EDIL3: variants seen among roughly 807,000 people sequenced by gnomAD.
EDIL3 encodes the protein EGF like and discoidin domains 3, also known as EGF-like repeat and discoidin I-like domain-containing protein 3.
In EDIL3, 37 loss-of-function variants were observed where a neutral mutation model predicts 67.4. The ratio of observed to expected loss-of-function variants is 0.55; its 90% CI spans 0.42 to 0.72. The LOEUF (loss-of-function observed/expected upper bound fraction) is 0.72, where lower values mean the gene tolerates loss of function less well. EDIL3 is among the 30% of genes least tolerant of loss of function. EDIL3 has a pLI of 0.00. For missense variants in EDIL3, 527 were observed against 586.3 expected, an observed-to-expected ratio of 0.90 and a Z score of 1.04; for synonymous variants, 195 against 196.3, an observed-to-expected ratio of 0.99 and a Z score of 0.05.
intron 7 of EDIL3, 82 bp from the exon 8 acceptor site, chr5:84,064,926 G>C: frequency 7.0e-7 from 1 of 1,420,796 alleles, no homozygotes; most frequent in South Asian, 1.7e-5. Flanking sequence ...ATACCTTATC[G>C]AAAATAATTG....
At chr5:83,993,064 A>C (rs1745177750) in intron 9 of EDIL3, among the ~76,000 whole-genome samples, 1 of 152,190 alleles carries the variant, frequency 6.6e-6, no homozygotes, top group African/African-American at 2.4e-5. Flanking sequence ...TAAAATAGTC[A>C]ATACGAAACA....
chr5:83,990,916 A>G (rs1745140146), intron 9 of EDIL3, among the ~76,000 whole-genome samples: 1 of 150,986 alleles, frequency 6.6e-6, no homozygotes, highest in Non-Finnish European at 1.5e-5. Context: ...TAAATAAATA[A>G]ATAAATAAAT....
chr5:84,050,510 C>G (rs555926775), intron 9 of EDIL3, among the ~76,000 whole-genome samples: 1 of 152,166 alleles, frequency 6.6e-6, no homozygotes, highest in Non-Finnish European at 1.5e-5. Flanking sequence ...TGAAGCAGGG[C>G]GAGGCATCGC....
At chr5:84,329,040 T>A (rs1746821109) in intron 1 of EDIL3, among the ~76,000 whole-genome samples, 1 of 152,230 alleles carries the variant, frequency 6.6e-6, no homozygotes, top group Non-Finnish European at 1.5e-5. Context: ...ATTAAATGAT[T>A]TTAGGCAAAG....
At chr5:84,354,474 T>C (rs776224368) in intron 1 of EDIL3, among the ~76,000 whole-genome samples, 30 of 152,000 alleles carry the variant, frequency 2.0e-4, no homozygotes, top group Non-Finnish European at 4.1e-4. Flanking sequence ...CTGGCCAATG[T>C]GGCAAAACCC....
chr5:84,372,137 G>A (rs150878888), intron 1 of EDIL3, among the ~76,000 whole-genome samples: 1,608 of 152,236 alleles, frequency 0.011, 30 homozygotes, highest in African/African-American at 0.037. Flanking sequence ...ATTCTCTTGA[G>A]TTTTTGGCAA....
At chr5:83,953,364 C>CT (rs1022057723) in intron 10 of EDIL3, among the ~76,000 whole-genome samples, 1 of 151,570 alleles carries the variant, frequency 6.6e-6, no homozygotes, top group Non-Finnish European at 1.5e-5. Context: ...AATTTTGGGT[C>CT]TTTTTTCTTT....
chr5:84,181,410 G>A (rs1031373804), intron 3 of EDIL3, among the ~76,000 whole-genome samples: 12 of 152,286 alleles, frequency 7.9e-5, no homozygotes, highest in African/African-American at 2.4e-4. Flanking sequence ...TGGGCCAGTC[G>A]TGCCTGACCT....
chr5:84,333,077 C>A (rs888935312), intron 1 of EDIL3, among the ~76,000 whole-genome samples: 2 of 152,064 alleles, frequency 1.3e-5, no homozygotes, highest in Non-Finnish European at 2.9e-5. Context: ...AAAACTTGTG[C>A]AAAACTCTTA....
rs908632613 is a variant in EDIL3, at chr5:84,133,489, A to T, written c.469+3752T>A. ...CAAAAAAAAAAAAAAAAAAAAAAAT[A>T]GCCAGGAGTGGTGGTGCGTGCCTGT... On this transcript the variant is annotated intron_variant, in intron 5 of 10. Transcript: ENST00000296591. Among the ~76,000 whole-genome samples, 36 of 128,372 alleles carry T rather than the reference A, an allele frequency of 2.8e-4. 1 individual carries two copies. The highest frequency in any genetic ancestry group is 1.9e-3 in the Admixed American group (24 of 12,734). 84.2% of individuals were successfully genotyped at this position (128,372 alleles called of 152,430 possible). A position where few individuals can be genotyped will look rare whatever the true frequency, so the allele number is the denominator to read the frequency against.
chr5:84,337,671 T>A (rs949490821), intron 1 of EDIL3, among the ~76,000 whole-genome samples: 1 of 152,098 alleles, frequency 6.6e-6, no homozygotes, highest in African/African-American at 2.4e-5. Context: ...TACTATAAAT[T>A]TATGACTAAA....
At chr5:84,196,791 A>G (rs1743718715) in intron 3 of EDIL3, 1 of 152,032 alleles carries the variant, frequency 6.6e-6, no homozygotes, top group African/African-American at 2.4e-5. Context: ...ACACATAAGA[A>G]AATGCTTTTA....
chr5:84,291,304 T>C (rs1449479047), intron 1 of EDIL3, among the ~76,000 whole-genome samples: 3 of 152,174 alleles, frequency 2.0e-5, no homozygotes, highest in Non-Finnish European at 4.4e-5. Context: ...ATTTTAGCTA[T>C]ATTTACACAC....
intron 9 of EDIL3, among the ~76,000 whole-genome samples, chr5:84,052,159 A>G (rs953112068): frequency 1.3e-5 from 2 of 152,224 alleles, no homozygotes; most frequent in Non-Finnish European, 2.9e-5. Context: ...AATATTTAAC[A>G]TTCTTAAAGA....
Position 84,254,154 on chromosome 5 carries a change from A to G in EDIL3, c.126T>C (p.Ala42=), listed in dbSNP as rs1745083871. ...GACACTCACAGGAAAAGGAACCATCAGCCAATCCTGGCAAACAGATACCTC... is the reference window on the plus strand; with the variant it reads ...GACACTCACAGGAAAAGGAACCATCGGCCAATCCTGGCAAACAGATACCTC... ...ENGGICLPGL[A]DGSFSCECPD... is the part of the protein sequence containing the mutation. The change falls in exon 2 of 11, where the codon GCT becomes GCC. Residue 42 remains alanine (A), a synonymous_variant. Coordinates refer to ENST00000296591, the MANE Select transcript of EDIL3 (RefSeq NM_005711.5). 6 of 1,612,998 alleles carry G rather than the reference A, an allele frequency of 3.7e-6. No individual in the cohort carries two copies. The highest frequency in any genetic ancestry group is 5.1e-6 in the Non-Finnish European group (6 of 1,179,480).
chr5:83,972,682 C>G (rs551752017), intron 9 of EDIL3, among the ~76,000 whole-genome samples: 1 of 152,028 alleles, frequency 6.6e-6, no homozygotes, highest in Non-Finnish European at 1.5e-5. Flanking sequence ...GAATGAAAGT[C>G]CATCCATCAA....
intron 9 of EDIL3, among the ~76,000 whole-genome samples, chr5:84,053,433 G>T (rs1449928199): frequency 2.6e-5 from 4 of 152,082 alleles, no homozygotes; most frequent in Admixed American, 2.0e-4. Flanking sequence ...TCAAAAGCTA[G>T]GAGAAGGCAA....
intron 5 of EDIL3, among the ~76,000 whole-genome samples, chr5:84,122,877 G>T (rs1428683731): frequency 6.6e-6 from 1 of 151,946 alleles, no homozygotes; most frequent in African/African-American, 2.4e-5. Flanking sequence ...TTTGTGCAAA[G>T]CAGAGGTATA....
At chr5:84,035,002 C>A (rs1745994070) in intron 9 of EDIL3, among the ~76,000 whole-genome samples, 1 of 152,078 alleles carries the variant, frequency 6.6e-6, no homozygotes, top group East Asian at 1.9e-4. Flanking sequence ...TTTTCTGGGA[C>A]ATTTTTTGTC....
Sources: gnomAD v4.1 joint callset for allele counts (sites outside exome capture counted in the v4.1 genomes callset) on GRCh38, gnomAD v4.1.1 for gene constraint, MANE v1.5 for transcripts, NCBI Gene and HGNC (gene_info 2026-07-23, HGNC 2026-07-21) for gene names.